HSF2BP: variants seen among roughly 807,000 people sequenced by gnomAD.
HSF2BP encodes heat shock transcription factor 2 binding protein.
Under a neutral mutation model 35.0 loss-of-function variants are expected in HSF2BP, and 35 were observed. That is an observed-to-expected ratio of 1.00 (90% CI 0.76 to 1.32). The LOEUF (loss-of-function observed/expected upper bound fraction) is 1.32, where lower values mean the gene tolerates loss of function less well. Ranked by LOEUF, HSF2BP falls within the 40% of genes most tolerant of loss-of-function variation. The probability of loss-of-function intolerance (pLI) is 0.00; values close to 1 mark genes in which losing one functional copy is unlikely to be tolerated. For synonymous variants in HSF2BP, 114 were observed against 117.4 expected (o/e 0.97, Z 0.18); for missense variants, 326 against 321.7 (o/e 1.01, Z -0.10).
At chr21:43,620,094 A>C (rs967570359) in intron 6 of HSF2BP, among the ~76,000 whole-genome samples, 1 of 152,246 alleles carries the variant, frequency 6.6e-6, no homozygotes, top group African/African-American at 2.4e-5. Flanking sequence ...AGTAAATTAC[A>C]AAGAATCTCT....
intron 4 of HSF2BP, among the ~76,000 whole-genome samples, chr21:43,637,130 TAAAAAAGA>T (rs369751452): frequency 1.3e-4 from 19 of 150,786 alleles, no homozygotes; most frequent in African/African-American, 4.6e-4. Flanking sequence ...ATCTATAAAA[TAAAAAAGA>T]AAAAAAGAAA....
At chr21:43,654,293 C>A (rs2082836256) in intron 3 of HSF2BP, among the ~76,000 whole-genome samples, 1 of 152,192 alleles carries the variant, frequency 6.6e-6, no homozygotes, top group Non-Finnish European at 1.5e-5. Flanking sequence ...GGATCTAAGT[C>A]ACTGTGACAC....
chr21:43,652,247 AC>A (rs1488449772), intron 3 of HSF2BP, among the ~76,000 whole-genome samples: 1 of 152,072 alleles, frequency 6.6e-6, no homozygotes, highest in Non-Finnish European at 1.5e-5. Context: ...TACTAAAAAT[AC>A]AAAAATTAGC....
At chr21:43,626,682 T>A (rs1029193725) in intron 6 of HSF2BP, among the ~76,000 whole-genome samples, 2 of 152,190 alleles carry the variant, frequency 1.3e-5, no homozygotes, top group African/African-American at 4.8e-5. Flanking sequence ...CCCCACTGGT[T>A]TGAAGTTGGT....
chr21:43,640,334 C>T lies in HSF2BP; in HGVS notation c.291+3955G>A, dbSNP rs551504403. On this transcript the variant is annotated intron_variant, in intron 4 of 8. Coordinates refer to ENST00000291560, the MANE Select transcript of HSF2BP (RefSeq NM_007031.2). ...AAGTCAGTCGCAAAAGGTTATTCTA[C>T]GTTATGACATTCTTGAGATAACAAA... Among the ~76,000 whole-genome samples the T allele has an allele frequency of 1.5e-4, 23 of 152,280 alleles. 1 individual carries two copies. Among genetic ancestry groups the T allele is most frequent in the Non-Finnish European group, 1.2e-4 (8 of 68,026 alleles).
chr21:43,641,221 G>A (rs920262440), intron 4 of HSF2BP, among the ~76,000 whole-genome samples: 9 of 151,954 alleles, frequency 5.9e-5, no homozygotes, highest in Non-Finnish European at 1.3e-4. Flanking sequence ...GAATGGTCTC[G>A]ATCTCCTGAC....
intron 7 of HSF2BP, among the ~76,000 whole-genome samples, chr21:43,604,372 GCACACCACACACACACCACA>G (rs765727383): frequency 1.3e-5 from 1 of 75,224 alleles, no homozygotes; most frequent in Non-Finnish European, 2.6e-5. Flanking sequence ...CACACAGCAC[GCACACCACACACACACCACA>G]CACACTACAC....
chr21:43,591,444 T>C (rs895344104), intron 8 of HSF2BP, among the ~76,000 whole-genome samples: 1 of 152,218 alleles, frequency 6.6e-6, no homozygotes, highest in Non-Finnish European at 1.5e-5. Flanking sequence ...TGCTGTTTTA[T>C]AAGAGACAAT....
chr21:43,645,003 C>T (rs1380355183), intron 3 of HSF2BP, among the ~76,000 whole-genome samples: 3 of 152,136 alleles, frequency 2.0e-5, no homozygotes, highest in African/African-American at 7.2e-5. Flanking sequence ...AAAAAATCCA[C>T]GTCAATAAAT....
intron 4 of HSF2BP, among the ~76,000 whole-genome samples, chr21:43,635,639 G>A (rs964653465): frequency 1.5e-4 from 23 of 152,078 alleles, no homozygotes; most frequent in Admixed American, 6.5e-5. Context: ...TCATAGGGCC[G>A]GGTGCGGTGG....
chr21:43,627,142 G>A (rs2082400133), intron 6 of HSF2BP, among the ~76,000 whole-genome samples: 2 of 152,176 alleles, frequency 1.3e-5, no homozygotes, highest in African/African-American at 4.8e-5. Flanking sequence ...AAAATGCTGG[G>A]ATTACAGGCG....
chr21:43,496,042 C>T, the HSF2BP span, among the ~76,000 whole-genome samples: 4 of 133,396 alleles, frequency 3.0e-5, no homozygotes, highest in Admixed American at 1.5e-4. Flanking sequence ...CACACACACA[C>T]GCACACAGCA....
the HSF2BP span, among the ~76,000 whole-genome samples, chr21:43,496,022 C>T: frequency 7.7e-6 from 1 of 129,806 alleles, no homozygotes; most frequent in Non-Finnish European, 1.7e-5. Context: ...CACGTGCACA[C>T]ACACACACAC....
intron 7 of HSF2BP, among the ~76,000 whole-genome samples, chr21:43,607,826 G>A (rs1263468461): frequency 3.3e-5 from 5 of 152,118 alleles, no homozygotes; most frequent in African/African-American, 9.7e-5. Flanking sequence ...TGACAACATT[G>A]ACAAAAATAA....
Position 43,636,268 on chromosome 21 carries a change from GA to G in HSF2BP, c.292-2848del, listed in dbSNP as rs879516202. On this transcript the variant is annotated intron_variant, in intron 4 of 8. Coordinates refer to ENST00000291560, the MANE Select transcript of HSF2BP (RefSeq NM_007031.2). ...GAAAAGAAAAGAAAAGAAAAGAAAA[GA>G]AAAAACGAAGGGGAAAAAAAGAGAA... 4.2e-5 allele frequency among the ~76,000 whole-genome samples: 5 copies of G among 119,846 alleles called. No individual in the cohort carries two copies. The South Asian group carries it at 1.4e-3, about 34-fold the overall frequency. The allele number at this position is 119,846 out of a possible 152,430, so 78.6% of individuals were successfully genotyped here.
chr21:43,600,036 T>C (rs1013875101), intron 7 of HSF2BP, among the ~76,000 whole-genome samples: 10 of 152,108 alleles, frequency 6.6e-5, no homozygotes, highest in Non-Finnish European at 1.0e-4. Flanking sequence ...ATGGCTAAAA[T>C]AAAGGTACTG....
In HSF2BP at chr21:43,580,663, C is replaced by T. The variant is rs12106483; in HGVS notation, c.796+11562G>A. Among the ~76,000 whole-genome samples, 762 of 152,342 alleles carry T rather than the reference C, an allele frequency of 5.0e-3. 8 individuals are homozygous for T. Among genetic ancestry groups the T allele is most frequent in the African/African-American group, 0.018 (733 of 41,578 alleles). On this transcript the variant is annotated intron_variant, in intron 8 of 8. Coordinates refer to ENST00000291560, the MANE Select transcript of HSF2BP (RefSeq NM_007031.2). Reference sequence around the variant, plus strand: ...GCTCACGTTATTAGCCCCGTGTTTACACTAAAAGGCTCAACACTGGGCTAA... The same window carrying T: ...GCTCACGTTATTAGCCCCGTGTTTATACTAAAAGGCTCAACACTGGGCTAA...
chr21:43,632,256 C>T (rs1235446771), intron 5 of HSF2BP, among the ~76,000 whole-genome samples: 32 of 101,926 alleles, frequency 3.1e-4, no homozygotes, highest in Non-Finnish European at 5.9e-4. Flanking sequence ...CACACACACT[C>T]CCCCACACAC....
rs535499935 is a variant in HSF2BP at position 43,644,720 on chromosome 21, G to A, written c.188-328C>T. On this transcript the variant is annotated intron_variant, in intron 3 of 8. Transcript: ENST00000291560. ...GATGGAAGGCAGAGCTGAGAAGCCC[G>A]ACTGTCTCATGGCACAGACTTGTCG... Among the ~76,000 whole-genome samples the A allele has an allele frequency of 1.4e-4, 22 of 152,282 alleles. No individual in the cohort carries two copies. The South Asian group carries it at 4.4e-3, about 30-fold the overall frequency.
Sources: gnomAD v4.1 joint callset for allele counts (sites outside exome capture counted in the v4.1 genomes callset) on GRCh38, gnomAD v4.1.1 for gene constraint, MANE v1.5 for transcripts, NCBI Gene and HGNC (gene_info 2026-07-23, HGNC 2026-07-21) for gene names.